The following LRBA variants were observed in gnomAD, a reference collection of about 807,000 sequenced individuals.
LRBA encodes the protein LPS responsive beige-like anchor protein.
A neutral mutation model predicts 330.0 loss-of-function variants in LRBA; 176 were observed. That is an observed-to-expected ratio of 0.53 (90% CI 0.47 to 0.60). The LOEUF (loss-of-function observed/expected upper bound fraction) is 0.60, where lower values mean the gene tolerates loss of function less well. Ranked by LOEUF, LRBA falls within the 20% of genes least tolerant of loss-of-function variation. The pLI is 0.00. For synonymous variants in LRBA, 1,230 were observed against 1,193.0 expected (o/e 1.03, Z -0.64); for missense variants, 3,259 against 3,444.8 (o/e 0.95, Z 1.35).
chr4:150,850,138 G>A (rs184439865), intron 24 of LRBA, among the ~76,000 whole-genome samples: 141 of 149,672 alleles, frequency 9.4e-4, no homozygotes, highest in African/African-American at 3.1e-3. Flanking sequence ...CTGTCGCCCA[G>A]GCCGGAGTGC....
At chr4:150,832,185 C>T (rs1290128284) in intron 28 of LRBA, among the ~76,000 whole-genome samples, 1 of 152,074 alleles carries the variant, frequency 6.6e-6, no homozygotes, top group African/African-American at 2.4e-5. Flanking sequence ...AAATGAGAAG[C>T]TTTATACTTG....
Position 150,848,882 on chromosome 4 carries a change from A to G in LRBA, c.4275T>C (p.Phe1425=), listed in dbSNP as rs1026755582. 2 of 1,613,040 alleles carry G rather than the reference A, an allele frequency of 1.2e-6. No homozygotes were observed. The highest frequency in any genetic ancestry group is 1.7e-6 in the Non-Finnish European group (2 of 1,179,430). ...TACTTTTTTCAGCTTCAATTTCAGT[A>G]AAGCCAAGAGAACTTGCAAATATAA... ...DVLIFASSLG[F]TEIEAEKSMS... is the part of the protein sequence containing the mutation. The change falls in exon 26 of 57, where the codon TTT becomes TTC. Residue 1425 remains phenylalanine (F), a synonymous_variant. Transcript: ENST00000651943.
At chr4:150,842,504 C>CA (rs1165772479) in intron 28 of LRBA, among the ~76,000 whole-genome samples, 2 of 152,044 alleles carry the variant, frequency 1.3e-5, no homozygotes, top group Non-Finnish European at 2.9e-5. Flanking sequence ...AAGTTATGGA[C>CA]AATAGACTCA....
chr4:150,950,228 C>T (rs1448508306), intron 2 of LRBA, among the ~76,000 whole-genome samples: 3 of 152,126 alleles, frequency 2.0e-5, no homozygotes, highest in Non-Finnish European at 2.9e-5. Flanking sequence ...AATCAGAAAT[C>T]TCTCACTATG....
In LRBA at chr4:150,961,452, A is replaced by G. The variant is rs1738139044; in HGVS notation, c.217-32387T>C. 1.3e-5 allele frequency among the ~76,000 whole-genome samples: 2 copies of G among 149,520 alleles called. 1 individual carries two copies. The highest frequency in any genetic ancestry group is 5.1e-5 in the African/African-American group (2 of 38,888). ...AAGACAGAAGAAACAGAGATTAGCC[A>G]GAAAAAAACAAAGTCTAGAAAAATC... On this transcript the variant is annotated intron_variant, in intron 2 of 56. Coordinates refer to ENST00000651943, the MANE Select transcript of LRBA (RefSeq NM_001364905.1).
chr4:150,446,045 G>C (rs1752578440), intron 44 of LRBA, among the ~76,000 whole-genome samples: 1 of 151,988 alleles, frequency 6.6e-6, no homozygotes, highest in Non-Finnish European at 1.5e-5. Flanking sequence ...ATTATGTTAA[G>C]GGAAATAAGC....
At chr4:150,828,730 C>T in intron 29 of LRBA, 109 bp from the exon 30 acceptor site, 1 of 1,013,958 alleles carries the variant, frequency 9.9e-7, no homozygotes, top group Non-Finnish European at 1.4e-6. Context: ...TTATGAAATA[C>T]ATCATGTTCT....
At chr4:150,323,565 C>A (rs1732841310) in intron 49 of LRBA, among the ~76,000 whole-genome samples, 1 of 152,214 alleles carries the variant, frequency 6.6e-6, no homozygotes, top group Non-Finnish European at 1.5e-5. Flanking sequence ...GACCAGCCAC[C>A]TTCCACAGCA....
intron 2 of LRBA, among the ~76,000 whole-genome samples, chr4:150,977,204 T>C (rs1185763034): frequency 6.6e-6 from 1 of 152,118 alleles, no homozygotes; most frequent in Non-Finnish European, 1.5e-5. Flanking sequence ...ACAACAAAAG[T>C]GACTCCTTCC....
In LRBA at chr4:150,948,440, G is replaced by A. The variant is rs140606539; in HGVS notation, c.217-19375C>T. 1.6e-3 allele frequency among the ~76,000 whole-genome samples: 236 copies of A among 152,078 alleles called. 1 individual carries two copies. Among genetic ancestry groups the A allele is most frequent in the African/African-American group, 5.3e-3 (222 of 41,542 alleles). On this transcript the variant is annotated intron_variant, in intron 2 of 56. Transcript: ENST00000651943. ...TACAAATGAACTTTTCTTTACCTAA[G>A]TATTACACCTTACACAAAAACTAAC...
chr4:150,584,039 G>GCGCT, intron 40 of LRBA: 1 of 1,607,382 alleles, frequency 6.2e-7, no homozygotes, highest in Non-Finnish European at 8.5e-7. Flanking sequence ...GCCCTGGAGA[G>GCGCT]CGCTGCCAAG....
chr4:150,989,896 G>A (rs922561553), intron 2 of LRBA, among the ~76,000 whole-genome samples: 8 of 151,892 alleles, frequency 5.3e-5, no homozygotes. Context: ...GGCTAAGGTG[G>A]GATAATGGCT....
intron 47 of LRBA, among the ~76,000 whole-genome samples, chr4:150,360,672 G>A (rs1738561499): frequency 1.3e-5 from 2 of 152,164 alleles, no homozygotes; most frequent in African/African-American, 4.8e-5. Context: ...ACCTTACAAA[G>A]TACGAAGTAA....
At position 150,892,956 on chromosome 4, in the gene LRBA, T is replaced by C. The variant is rs370005379; in HGVS notation, c.2165+96A>G. Reference sequence around the variant, plus strand: ...TAACTCATTTCATGCTATAAACTCATTTCATATGTAAGTTTAAATAATCCT... The same window carrying C: ...TAACTCATTTCATGCTATAAACTCACTTCATATGTAAGTTTAAATAATCCT... On this transcript the variant is annotated intron_variant, in intron 17 of 56. Transcript: ENST00000651943. 1.2e-3 allele frequency: 882 copies of C among 728,006 alleles called. 15 individuals carry two copies. The South Asian group carries it at 0.021, about 17-fold the overall frequency. 45.1% of individuals were successfully genotyped at this position (728,006 alleles called of 1,614,324 possible).
chr4:150,900,365 A>T, intron 13 of LRBA, 148 bp from the exon 14 acceptor site: 1 of 498,796 alleles, frequency 2.0e-6, no homozygotes, highest in Admixed American at 3.6e-5. Context: ...GACAACACAT[A>T]CTCACTGACA....
intron 46 of LRBA, among the ~76,000 whole-genome samples, chr4:150,417,899 A>G (rs930480804): frequency 7.2e-5 from 11 of 152,128 alleles, no homozygotes; most frequent in African/African-American, 2.7e-4. Context: ...TCAAAATATT[A>G]TGATTTTGTA....
intron 40 of LRBA, chr4:150,581,049 T>C (rs555698142): frequency 1.3e-5 from 2 of 156,086 alleles, no homozygotes; most frequent in African/African-American, 4.8e-5. Context: ...TGCCTTGTTT[T>C]TCATTAAGTT....
intron 48 of LRBA, among the ~76,000 whole-genome samples, chr4:150,341,583 T>C (rs1735569639): frequency 6.6e-6 from 1 of 152,128 alleles, no homozygotes; most frequent in African/African-American, 2.4e-5. Flanking sequence ...CTTCCATTTC[T>C]TTTGCTTCAC....
chr4:150,657,204 T>G (rs1440377227), intron 37 of LRBA, among the ~76,000 whole-genome samples: 1 of 152,212 alleles, frequency 6.6e-6, no homozygotes, highest in Non-Finnish European at 1.5e-5. Flanking sequence ...CATGTTTTTG[T>G]TTTTCTAGTT....
Sources: allele counts gnomAD v4.1 joint callset (sites outside exome capture counted in the v4.1 genomes callset), GRCh38; gene constraint gnomAD v4.1.1; transcripts MANE v1.5; gene names NCBI Gene and HGNC (gene_info 2026-07-23, HGNC 2026-07-21).